The following KCNT2 variants were observed in gnomAD, a reference collection of about 807,000 sequenced individuals.
KCNT2 encodes potassium channel subfamily T member 2.
In KCNT2, 67 loss-of-function variants were observed where a neutral mutation model predicts 153.8. The observed-to-expected ratio is 0.44, with a 90% CI of 0.36 to 0.53. KCNT2 has a LOEUF of 0.53. Ranked by LOEUF, KCNT2 falls within the 20% of genes least tolerant of loss-of-function variation. The pLI is 0.00. For missense variants in KCNT2, 975 were observed against 1,354.8 expected, an observed-to-expected ratio of 0.72 and a Z score of 4.40; for synonymous variants, 500 against 458.8, an observed-to-expected ratio of 1.09 and a Z score of -1.15.
At chr1:196,602,038 A>G (rs1342277397) in intron 1 of KCNT2, among the ~76,000 whole-genome samples, 1 of 152,214 alleles carries the variant, frequency 6.6e-6, no homozygotes, top group Admixed American at 6.5e-5. Context: ...CCATTAAAAA[A>G]AATCCCATAT....
chr1:196,257,970 G>A, intron 26 of KCNT2: 1 of 1,297,712 alleles, frequency 7.7e-7, no homozygotes, highest in East Asian at 2.9e-5. Context: ...CATGTAATGG[G>A]TTTAGCACAG....
At chr1:196,370,759 G>GT (rs1332662316) in intron 14 of KCNT2, among the ~76,000 whole-genome samples, 1 of 152,080 alleles carries the variant, frequency 6.6e-6, no homozygotes, top group Non-Finnish European at 1.5e-5. Context: ...TTTCACAAAT[G>GT]TTAACAGCAG....
At chr1:196,492,773 A>C (rs905764413) in intron 1 of KCNT2, among the ~76,000 whole-genome samples, 2 of 152,128 alleles carry the variant, frequency 1.3e-5, no homozygotes, top group Non-Finnish European at 2.9e-5. Context: ...CAGTCTGGGC[A>C]CCACCGTGCC....
chr1:196,273,893 T>C (rs1658310628), intron 25 of KCNT2, among the ~76,000 whole-genome samples: 1 of 151,690 alleles, frequency 6.6e-6, no homozygotes, highest in Non-Finnish European at 1.5e-5. Context: ...TACATTAATA[T>C]GCTTTAAGTA....
chr1:196,323,195 G>T (rs1301613116), intron 19 of KCNT2, among the ~76,000 whole-genome samples: 2 of 151,850 alleles, frequency 1.3e-5, no homozygotes, highest in East Asian at 1.9e-4. Flanking sequence ...TGACATCAGG[G>T]ATTTTATCAT....
At chr1:196,398,125 T>C (rs1671103288) in intron 13 of KCNT2, among the ~76,000 whole-genome samples, 1 of 151,492 alleles carries the variant, frequency 6.6e-6, no homozygotes, top group Non-Finnish European at 1.5e-5. Context: ...TATTTACATA[T>C]ACCTGAATAC....
At position 196,253,240 on chromosome 1, in the gene KCNT2, G is replaced by GT. The variant is rs1387288588; in HGVS notation, c.3211+4953dup. 3.0e-4 allele frequency among the ~76,000 whole-genome samples: 46 copies of GT among 151,406 alleles called. 1 individual carries two copies. Among genetic ancestry groups the GT allele is most frequent in the South Asian group, 1.9e-3 (9 of 4,810 alleles). On this transcript the variant is annotated intron_variant, in intron 26 of 27. Coordinates refer to ENST00000294725, the MANE Select transcript of KCNT2 (RefSeq NM_198503.5). ...ACTAACATTCTATGTGTTCTTCGAAGTTTTATTTTCCCTCCTTCTCTCTAT... is the reference window on the plus strand; with the variant it reads ...ACTAACATTCTATGTGTTCTTCGAAGTTTTTATTTTCCCTCCTTCTCTCTAT...
chr1:196,250,906 T>A (rs2102296635), intron 26 of KCNT2, among the ~76,000 whole-genome samples: 1 of 151,956 alleles, frequency 6.6e-6, no homozygotes, highest in South Asian at 2.1e-4. Flanking sequence ...GAAAGACAAA[T>A]CAAAACTACC....
chr1:196,333,011 A>G (rs1271421953), intron 17 of KCNT2, among the ~76,000 whole-genome samples: 2 of 151,602 alleles, frequency 1.3e-5, no homozygotes, highest in African/African-American at 4.8e-5. Flanking sequence ...GCTTGTCTCA[A>G]ACTCCTGACC....
intron 8 of KCNT2, among the ~76,000 whole-genome samples, chr1:196,464,696 G>T (rs1349566515): frequency 6.6e-6 from 1 of 151,792 alleles, no homozygotes; most frequent in Non-Finnish European, 1.5e-5. Context: ...CCATATGTCC[G>T]GTGTCATATT....
intron 12 of KCNT2, among the ~76,000 whole-genome samples, chr1:196,414,234 T>C (rs1459892017): frequency 2.6e-5 from 4 of 151,718 alleles, no homozygotes; most frequent in African/African-American, 4.8e-5. Context: ...CAAAATACTA[T>C]AAAAAACTAC....
intron 26 of KCNT2, among the ~76,000 whole-genome samples, chr1:196,244,865 C>A (rs917241875): frequency 6.6e-6 from 1 of 152,088 alleles, no homozygotes; most frequent in Admixed American, 6.6e-5. Flanking sequence ...TACGTGGTAG[C>A]CAGGCAGTGG....
chr1:196,255,326 G>A (rs75732288), intron 26 of KCNT2, among the ~76,000 whole-genome samples: 1 of 151,756 alleles, frequency 6.6e-6, no homozygotes, highest in East Asian at 1.9e-4. Flanking sequence ...TAAGTTCAGA[G>A]AGATGTGACT....
intron 1 of KCNT2, among the ~76,000 whole-genome samples, chr1:196,595,557 ATAACT>A (rs1219877466): frequency 1.3e-5 from 2 of 152,210 alleles, no homozygotes; most frequent in African/African-American, 4.8e-5. Context: ...ACGTTTGCAC[ATAACT>A]TAATCATACC....
At chr1:196,362,012 C>G (rs1424169191) in intron 14 of KCNT2, among the ~76,000 whole-genome samples, 1 of 151,894 alleles carries the variant, frequency 6.6e-6, no homozygotes, top group Non-Finnish European at 1.5e-5. Flanking sequence ...GGGTGATGGA[C>G]TAGATTTGCC....
At chr1:196,293,041 AT>A (rs1660345755) in intron 22 of KCNT2, among the ~76,000 whole-genome samples, 1 of 152,022 alleles carries the variant, frequency 6.6e-6, no homozygotes, top group African/African-American at 2.4e-5. Context: ...TAAAAAAAAA[AT>A]ACTTAAGAAT....
rs1673822358 is a variant in KCNT2, at chr1:196,428,228, T to C, written c.861A>G (p.Ser287=). 2 of 1,612,894 alleles carry C rather than the reference T, an allele frequency of 1.2e-6. No individual in the cohort carries two copies. Among genetic ancestry groups the C allele is most frequent in the Non-Finnish European group, 1.7e-6 (2 of 1,179,176 alleles). Residue 287 remains serine, a synonymous_variant, in exon 10 of 28, where the codon TCA becomes TCG. Transcript: ENST00000294725. The part of the protein sequence containing the change: ...LAYLWMERQK[S]GGNYSRHRAQ... ...CTCTATGTCGACTATAGTTTCCTCC[T>C]GACTTTTGTCTCTCCATCCACAAAT...
intron 25 of KCNT2, among the ~76,000 whole-genome samples, chr1:196,264,254 T>A (rs1380478663): frequency 6.6e-6 from 1 of 152,216 alleles, no homozygotes; most frequent in South Asian, 2.1e-4. Context: ...TTAAATAATG[T>A]ATCTGAGTTA....
chr1:196,304,500 C>G (rs796508721), intron 22 of KCNT2, among the ~76,000 whole-genome samples: 1 of 152,038 alleles, frequency 6.6e-6, no homozygotes, highest in Non-Finnish European at 1.5e-5. Flanking sequence ...ATTATAGGCA[C>G]GAGCCGCCAC....
Sources: gnomAD v4.1 joint callset for allele counts (sites outside exome capture counted in the v4.1 genomes callset) on GRCh38, gnomAD v4.1.1 for gene constraint, MANE v1.5 for transcripts, NCBI Gene and HGNC (gene_info 2026-07-23, HGNC 2026-07-21) for gene names.